BRINP3: variants seen among roughly 807,000 people sequenced by gnomAD.
BRINP3 encodes the protein BMP/retinoic acid inducible neural specific 3, also known as BMP/retinoic acid-inducible neural-specific protein 3.
A neutral mutation model predicts 71.0 loss-of-function variants in BRINP3; 19 were observed. The observed-to-expected ratio is 0.27, with a 90% confidence interval of 0.19 to 0.39. The LOEUF is 0.39. BRINP3 is among the 10% of genes least tolerant of loss of function. The probability of loss-of-function intolerance (pLI) is 1.00; values close to 1 mark genes in which losing one functional copy is unlikely to be tolerated. For synonymous variants in BRINP3, 380 were observed against 337.7 expected, an observed-to-expected ratio of 1.13 and a Z score of -1.37; for missense variants, 959 against 940.8, an observed-to-expected ratio of 1.02 and a Z score of -0.25.
chr1:190,211,559 T>TATATATAGC (rs1466828154), intron 6 of BRINP3, among the ~76,000 whole-genome samples: 3 of 152,140 alleles, frequency 2.0e-5, no homozygotes, highest in African/African-American at 7.2e-5. Flanking sequence ...ATGTATCTTC[T>TATATATAGC]ATATATAGCA....
chr1:190,197,794 G>T (rs555612879), intron 6 of BRINP3, among the ~76,000 whole-genome samples: 1 of 152,078 alleles, frequency 6.6e-6, no homozygotes, highest in Non-Finnish European at 1.5e-5. Flanking sequence ...GCAAGCTGTT[G>T]GTGGGTCTAC....
intron 6 of BRINP3, among the ~76,000 whole-genome samples, chr1:190,217,460 A>G (rs1445290130): frequency 6.6e-6 from 1 of 151,940 alleles, no homozygotes; most frequent in Non-Finnish European, 1.5e-5. Flanking sequence ...GTATTTTACC[A>G]ATTGTTTAGT....
intron 2 of BRINP3, among the ~76,000 whole-genome samples, chr1:190,352,025 A>T (rs555619732): frequency 6.6e-6 from 1 of 152,006 alleles, no homozygotes; most frequent in East Asian, 1.9e-4. Flanking sequence ...GTAAATCTTT[A>T]TTTTTTTCTG....
chr1:190,184,204 T>C (rs956458787), intron 6 of BRINP3, among the ~76,000 whole-genome samples: 1 of 152,184 alleles, frequency 6.6e-6, no homozygotes, highest in Non-Finnish European at 1.5e-5. Context: ...TAGATTGTAA[T>C]AGTTTTTAGC....
intron 7 of BRINP3, among the ~76,000 whole-genome samples, chr1:190,114,593 C>A (rs1652975747): frequency 6.7e-6 from 1 of 149,902 alleles, no homozygotes; most frequent in Non-Finnish European, 1.5e-5. Context: ...CTGGTCTCTT[C>A]TAAATACATT....
chr1:190,141,840 GAGCCACCACGCCT>G (rs1374113706), intron 7 of BRINP3, among the ~76,000 whole-genome samples: 31 of 151,758 alleles, frequency 2.0e-4, no homozygotes, highest in Admixed American at 6.6e-4. Flanking sequence ...TCACAGGTGT[GAGCCACCACGCCT>G]AGCCTTAATC....
chr1:190,399,077 C>T (rs1221131373), intron 2 of BRINP3, among the ~76,000 whole-genome samples: 3 of 151,872 alleles, frequency 2.0e-5, no homozygotes, highest in Admixed American at 1.3e-4. Context: ...ATTAATTTAC[C>T]TCATTGATGT....
rs1207652040 is a variant in BRINP3, at chr1:190,260,438, G to A, written c.618+4427C>T. Among the ~76,000 whole-genome samples the A allele has an allele frequency of 2.6e-5, 4 of 151,886 alleles. No individual in the cohort carries two copies. The South Asian group carries it at 8.3e-4, about 32-fold the overall frequency. On this transcript the variant is annotated intron_variant, in intron 4 of 7. Coordinates refer to ENST00000367462, the MANE Select transcript of BRINP3 (RefSeq NM_199051.3). ...CCCTAAATATATACAATCAAAAAGA[G>A]TACCAAATATGAATCTTTCCTATAA...
At chr1:190,384,145 TG>T (rs1285844608) in intron 2 of BRINP3, among the ~76,000 whole-genome samples, 3 of 150,624 alleles carry the variant, frequency 2.0e-5, no homozygotes, top group African/African-American at 7.3e-5. Flanking sequence ...TGGCCACAAA[TG>T]TTTTTTTTTT....
intron 3 of BRINP3, among the ~76,000 whole-genome samples, chr1:190,268,148 A>T (rs1485496142): frequency 6.6e-6 from 1 of 152,202 alleles, no homozygotes; most frequent in Admixed American, 6.5e-5. Flanking sequence ...ATAATTCAGC[A>T]TATTAACACA....
intron 2 of BRINP3, among the ~76,000 whole-genome samples, chr1:190,408,171 G>A (rs574298252): frequency 2.7e-5 from 4 of 149,502 alleles, no homozygotes; most frequent in South Asian, 2.1e-4. Context: ...ACAGGCGCCC[G>A]CCACCACGCC....
At chr1:190,330,476 A>T (rs564692108) in intron 2 of BRINP3, among the ~76,000 whole-genome samples, 1 of 152,184 alleles carries the variant, frequency 6.6e-6, no homozygotes, top group South Asian at 2.1e-4. Flanking sequence ...AACAGCAAAA[A>T]ATAACAGCTG....
chr1:190,186,431 C>CT (rs536996516), intron 6 of BRINP3, among the ~76,000 whole-genome samples: 36 of 152,012 alleles, frequency 2.4e-4, no homozygotes, highest in African/African-American at 6.3e-4. Flanking sequence ...TATAAAACAC[C>CT]TTTTTTTGCC....
chr1:190,282,093 A>T (rs1663084989), intron 2 of BRINP3, among the ~76,000 whole-genome samples: 1 of 151,866 alleles, frequency 6.6e-6, no homozygotes, highest in African/African-American at 2.4e-5. Flanking sequence ...AATTTTTTTC[A>T]TTTTCTAAGG....
At position 190,304,040 on chromosome 1, in the gene BRINP3, A is replaced by T. The variant is rs562740863; in HGVS notation, c.237-22290T>A. 4.6e-5 allele frequency among the ~76,000 whole-genome samples: 7 copies of T among 151,864 alleles called. No homozygotes were observed. The East Asian group carries it at 7.7e-4, about 17-fold the overall frequency. On this transcript the variant is annotated intron_variant, in intron 2 of 7. Transcript: ENST00000367462. ...TCAAATAAAATAAATGTTTAATTTT[A>T]AAAAAATGGAAACCTGAAGAAAGTA... is the stretch of plus-strand genomic sequence containing the variant.
chr1:190,334,853 T>C (rs999754052), intron 2 of BRINP3, among the ~76,000 whole-genome samples: 7 of 151,686 alleles, frequency 4.6e-5, no homozygotes, highest in Non-Finnish European at 7.4e-5. Context: ...GATAGAAAAT[T>C]TCTTAAGATT....
intron 2 of BRINP3, among the ~76,000 whole-genome samples, chr1:190,335,789 A>G (rs1237033437): frequency 6.6e-6 from 1 of 151,990 alleles, no homozygotes. Flanking sequence ...TAGCTCCTGT[A>G]AACTTGTCTA....
At chr1:190,412,501 C>T (rs552056362) in intron 2 of BRINP3, among the ~76,000 whole-genome samples, 9 of 130,440 alleles carry the variant, frequency 6.9e-5, no homozygotes, top group Non-Finnish European at 1.1e-4. Context: ...CTCGCTCTGT[C>T]GCCCAGGCTG....
intron 4 of BRINP3, among the ~76,000 whole-genome samples, chr1:190,252,222 C>A (rs1660211496): frequency 6.6e-6 from 1 of 151,966 alleles, no homozygotes; most frequent in Non-Finnish European, 1.5e-5. Flanking sequence ...GTGAGCATTT[C>A]AAAATGAGAG....
Sources: gnomAD v4.1 joint callset for allele counts (sites outside exome capture counted in the v4.1 genomes callset) on GRCh38, gnomAD v4.1.1 for gene constraint, MANE v1.5 for transcripts, NCBI Gene and HGNC (gene_info 2026-07-23, HGNC 2026-07-21) for gene names.